Variants in FBXW10B observed in about 807,000 individuals in gnomAD.
FBXW10B encodes F-box and WD repeat domain containing protein 10B.
the FBXW10B span, among the ~76,000 whole-genome samples, chr17:15,616,367 G>A: frequency 6.6e-6 from 1 of 151,476 alleles, no homozygotes; most frequent in Non-Finnish European, 1.5e-5. Context: ...ATGGGGTTTC[G>A]CCATGTTGGC....
At chr17:15,618,782 TC>T in the FBXW10B span, among the ~76,000 whole-genome samples, 2 of 152,168 alleles carry the variant, frequency 1.3e-5, no homozygotes, top group Non-Finnish European at 2.9e-5. Context: ...GTTGTGTACT[TC>T]CTCCTGCATT....
chr17:15,568,926 C>T, the FBXW10B span: 45 of 1,231,542 alleles, frequency 3.7e-5, no homozygotes, highest in Non-Finnish European at 3.7e-5. Flanking sequence ...ATCGGTTTTG[C>T]GTGGGTTATT....
the FBXW10B span, among the ~76,000 whole-genome samples, chr17:15,606,819 G>T: frequency 1.3e-5 from 2 of 151,964 alleles, no homozygotes; most frequent in African/African-American, 4.8e-5. Flanking sequence ...TATCTTATCT[G>T]TTCTGTCTTC....
At chr17:15,603,551 AAAC>A in the FBXW10B span, among the ~76,000 whole-genome samples, 1 of 152,190 alleles carries the variant, frequency 6.6e-6, no homozygotes, top group Non-Finnish European at 1.5e-5. Flanking sequence ...CAGATTGACA[AAAC>A]TGTTAGACTG....
chr17:15,607,746 C>T, the FBXW10B span: 9 of 1,437,546 alleles, frequency 6.3e-6, no homozygotes, highest in Admixed American at 3.8e-5. Flanking sequence ...AGTCCCAGAG[C>T]CCCTAGGGTC....
chr17:15,568,082 G>A, the FBXW10B span, among the ~76,000 whole-genome samples: 7 of 152,308 alleles, frequency 4.6e-5, no homozygotes, highest in African/African-American at 1.7e-4. Flanking sequence ...CACTTTTGTG[G>A]AGTGTTGTCT....
At chr17:15,594,588 A>G in the FBXW10B span, 33 of 875,072 alleles carry the variant, frequency 3.8e-5, no homozygotes, top group East Asian at 4.3e-4. Flanking sequence ...ATGGTGGGGA[A>G]AAATGGGTCC....
chr17:15,587,536 G>A, the FBXW10B span, among the ~76,000 whole-genome samples: 1 of 151,488 alleles, frequency 6.6e-6, no homozygotes, highest in Non-Finnish European at 1.5e-5. Flanking sequence ...GTCACTTCTA[G>A]CTTTCATATT....
At chr17:15,618,840 A>T in the FBXW10B span, 1 of 985,114 alleles carries the variant, frequency 1.0e-6, no homozygotes, top group South Asian at 4.7e-5. Flanking sequence ...CTCCTTTGGT[A>T]AACAGGATCG....
At chr17:15,569,065 A>G in the FBXW10B span, 1 of 968,354 alleles carries the variant, frequency 1.0e-6, no homozygotes. Flanking sequence ...CAAAACACAT[A>G]TCTTTGCTGT....
chr17:15,613,105 TG>T, the FBXW10B span, among the ~76,000 whole-genome samples: 772 of 115,238 alleles, frequency 6.7e-3, 11 homozygotes, highest in Middle Eastern at 0.034. Flanking sequence ...TCCTCTCTGC[TG>T]GGGAAAAAAA....
chr17:15,592,295 GTTTTT>G, the FBXW10B span, among the ~76,000 whole-genome samples: 2 of 107,694 alleles, frequency 1.9e-5, no homozygotes, highest in Non-Finnish European at 3.7e-5. Context: ...AATGGCCAGA[GTTTTT>G]TTTTTTTTTT....
the FBXW10B span, among the ~76,000 whole-genome samples, chr17:15,609,852 C>CTTTT: frequency 0.025 from 2,577 of 103,122 alleles, 57 homozygotes; most frequent in African/African-American, 0.037. Flanking sequence ...TTCTTTCTTT[C>CTTTT]TTTTTTTTTT....
At chr17:15,575,481 A>T in the FBXW10B span, among the ~76,000 whole-genome samples, 348 of 148,828 alleles carry the variant, frequency 2.3e-3, no homozygotes, top group East Asian at 0.012. Flanking sequence ...TTTGTAGCCG[A>T]CTTCTGGAAA....
chr17:15,611,877 T>C, the FBXW10B span, among the ~76,000 whole-genome samples: 3 of 152,174 alleles, frequency 2.0e-5, no homozygotes, highest in Non-Finnish European at 2.9e-5. Context: ...CAAGAACTAG[T>C]GGAAAGGGCT....
the FBXW10B span, among the ~76,000 whole-genome samples, chr17:15,595,918 C>CTTTT: frequency 1.8e-3 from 251 of 140,812 alleles, 4 homozygotes; most frequent in African/African-American, 5.0e-3. Flanking sequence ...ATGCAATACT[C>CTTTT]TTTTTTTTTT....
chr17:15,596,261 T>A, the FBXW10B span, among the ~76,000 whole-genome samples: 1 of 152,054 alleles, frequency 6.6e-6, no homozygotes, highest in Non-Finnish European at 1.5e-5. Flanking sequence ...AGCCCATATC[T>A]CATGCTGAGT....
chr17:15,619,434 G>A, the FBXW10B span: 83 of 1,613,914 alleles, frequency 5.1e-5, no homozygotes, highest in Admixed American at 5.5e-4. Context: ...TCACACTTCC[G>A]GCATAGAGGG....
the FBXW10B span, among the ~76,000 whole-genome samples, chr17:15,617,604 C>T: frequency 4.6e-5 from 7 of 152,306 alleles, no homozygotes; most frequent in South Asian, 2.1e-4. Context: ...GCCCTTCCCA[C>T]AGTAATGAGT....
Sources: allele counts gnomAD v4.1 joint callset (sites outside exome capture counted in the v4.1 genomes callset), GRCh38; gene constraint gnomAD v4.1.1; transcripts MANE v1.5; gene names NCBI Gene and HGNC (gene_info 2026-07-23, HGNC 2026-07-21).